The following EP400 variants were observed in gnomAD, a reference collection of about 807,000 sequenced individuals.
EP400 encodes E1A binding protein p400.
Under a neutral mutation model 354.1 loss-of-function variants are expected in EP400, and 105 were observed. That is an observed-to-expected ratio of 0.30 (90% CI 0.25 to 0.35). The LOEUF (loss-of-function observed/expected upper bound fraction) is 0.35, where lower values mean the gene tolerates loss of function less well. Ranked by LOEUF, EP400 falls within the 10% of genes least tolerant of loss-of-function variation. The pLI is 1.00. For synonymous variants in EP400, 1,646 were observed against 1,716.9 expected, an observed-to-expected ratio of 0.96 and a Z score of 1.02; for missense variants, 3,280 against 4,121.0, an observed-to-expected ratio of 0.80 and a Z score of 5.59.
rs750052509 is a variant in EP400, at chr12:131,961,947, A to T, written c.1328A>T (p.Asn443Ile). 1 of 1,611,102 alleles carries T rather than the reference A, an allele frequency of 6.2e-7. No homozygotes were observed. Among genetic ancestry groups the T allele is most frequent in the Non-Finnish European group, 8.5e-7 (1 of 1,178,804 alleles). Residue 443 changes from asparagine to isoleucine, a missense_variant, in exon 2 of 53, where the codon AAT (asparagine) becomes ATT (isoleucine). Asn to Ile is a moderately radical substitution (Grantham distance 149). Around this residue, in one of 20 missense-constraint regions of EP400, gnomAD observed 800 missense variants for 840.0 expected, o/e 0.95. Transcript: ENST00000389561. ...GAGGAAGAAAAATCTGAGGTTATCA[A>T]TGACGAGGTAAGAAACAGGAGTTAA... ...EEEEEKSEVI[N>I]DEQQALAGSL... is the part of the protein sequence containing the mutation.
In EP400 at chr12:132,043,503, T is replaced by G. The variant is rs78606890; in HGVS notation, c.6366+41T>G. On this transcript the variant is annotated intron_variant, in intron 33 of 52. Transcript: ENST00000389561. Reference sequence around the variant, plus strand: ...CCTTTACAACTACATATTTTAAAAATTTGACGCTTCTATAAAATATTTATT... The same window carrying G: ...CCTTTACAACTACATATTTTAAAAAGTTGACGCTTCTATAAAATATTTATT... The G allele has an allele frequency of 6.3e-4, 1,008 of 1,596,626 alleles. 17 individuals are homozygous for G. In the East Asian group the frequency reaches 0.017, roughly 26 times the overall value.
Position 132,044,931 on chromosome 12 carries a change from G to A in EP400, c.6762G>A (p.Lys2254=). The A allele has an allele frequency of 6.2e-7, 1 of 1,614,156 alleles. No individual in the cohort carries two copies. Among genetic ancestry groups the A allele is most frequent in the Non-Finnish European group, 8.5e-7 (1 of 1,180,030 alleles). Residue 2254 remains lysine, a synonymous_variant, in exon 37 of 53, where the codon AAG becomes AAA. Coordinates refer to ENST00000389561, the MANE Select transcript of EP400 (RefSeq NM_015409.5). ...LPPVYVRKER[K]RHKTDPSAAG... ...CTGTGTACGTGAGGAAGGAGCGGAA[G>A]CGACACAAAACAGACCCCTCAGGTG...
rs140489256 is a variant in EP400 at position 132,018,614 on chromosome 12, A to G, written c.4277+238A>G. Among the ~76,000 whole-genome samples the G allele has an allele frequency of 2.0e-4, 30 of 152,256 alleles. No homozygotes were observed. In the East Asian group the frequency reaches 5.8e-3, roughly 29 times the overall value. On this transcript the variant is annotated intron_variant, in intron 21 of 52. Coordinates refer to ENST00000389561, the MANE Select transcript of EP400 (RefSeq NM_015409.5). This position sits in a 1 kb window ranked among gnomAD's most constrained non-coding sequence, Gnocchi z 4.0. ...CAACCTCCTTGATCGTCTTTGCAGC[A>G]GTTTTAGGGTAGGGTGGGTGTCAGG... is the stretch of plus-strand genomic sequence containing the variant.
intron 30 of EP400, among the ~76,000 whole-genome samples, chr12:132,036,138 C>T (rs1593363921): frequency 6.8e-6 from 1 of 146,540 alleles, no homozygotes; most frequent in East Asian, 2.0e-4. Flanking sequence ...CATTGTGGAA[C>T]ACACCCAGGT....
At position 132,050,753 on chromosome 12, in the gene EP400, C is replaced by T. The variant is rs1895260761; in HGVS notation, c.7394+98C>T. On this transcript the variant is annotated intron_variant, in intron 41 of 52. Coordinates refer to ENST00000389561, the MANE Select transcript of EP400 (RefSeq NM_015409.5). The surrounding 1 kb of genome is among the most constrained non-coding windows in gnomAD (Gnocchi z 4.8). ...GTTCAGCAAATCGTTGTGCACTTAG[C>T]GTGTTCAGGCATCAGCTGGACGTGG... The T allele has an allele frequency of 4.9e-6, 7 of 1,441,654 alleles. No individual in the cohort carries two copies. Among genetic ancestry groups the T allele is most frequent in the East Asian group, 4.5e-5 (2 of 43,998 alleles). The allele number at this position is 1,441,654 out of a possible 1,614,324, so 89.3% of individuals were successfully genotyped here. A position where few individuals can be genotyped will look rare whatever the true frequency, so the allele number is the denominator to read the frequency against.
In EP400 at chr12:132,013,225, T is replaced by C. The variant is rs1390429234; in HGVS notation, c.3611+47T>C. On this transcript the variant is annotated intron_variant, in intron 17 of 52. Coordinates refer to ENST00000389561, the MANE Select transcript of EP400 (RefSeq NM_015409.5). The surrounding 1 kb of genome is among the most constrained non-coding windows in gnomAD (Gnocchi z 4.5). ...CATTGAGTGTTCTTTGCTGTTGATG[T>C]AGAAGATTCTCTTGAAGAAATCTGC... is the stretch of plus-strand genomic sequence containing the variant. The C allele has an allele frequency of 3.8e-6, 6 of 1,560,760 alleles. No individual in the cohort carries two copies. The highest frequency in any genetic ancestry group is 1.9e-5 in the Admixed American group (1 of 54,008).
intron 2 of EP400, among the ~76,000 whole-genome samples, chr12:131,979,211 CAAAA>C (rs1227389562): frequency 6.5e-5 from 5 of 76,410 alleles, no homozygotes; most frequent in Non-Finnish European, 8.1e-5. Context: ...GACTCCGTCT[CAAAA>C]AAAAAAAAAA....
rs1893825120 is a variant in EP400 at position 132,013,345 on chromosome 12, T to C, written c.3612-145T>C. The C allele has an allele frequency of 7.2e-7, 1 of 1,388,372 alleles. No homozygotes were observed. Among genetic ancestry groups the C allele is most frequent in the East Asian group, 2.3e-5 (1 of 42,772 alleles). The allele number at this position is 1,388,372 out of a possible 1,614,324, so 86.0% of individuals were successfully genotyped here. On this transcript the variant is annotated intron_variant, in intron 17 of 52. Transcript: ENST00000389561. The surrounding 1 kb of genome is among the most constrained non-coding windows in gnomAD (Gnocchi z 4.5). Reference sequence around the variant, plus strand: ...CCAGAGAGCCCCAGAGCTGGGTCAGTGCAGCCCCCCTTTTCAGGCATGTGC... The same window carrying C: ...CCAGAGAGCCCCAGAGCTGGGTCAGCGCAGCCCCCCTTTTCAGGCATGTGC...
intron 51 of EP400, among the ~76,000 whole-genome samples, chr12:132,071,427 C>T (rs1386570858): frequency 1.3e-5 from 2 of 152,198 alleles, no homozygotes; most frequent in Non-Finnish European, 2.9e-5. Context: ...CTACCAGAGG[C>T]TTCCGGCTCA....
At chr12:131,979,135 T>A (rs1892588538) in intron 2 of EP400, among the ~76,000 whole-genome samples, 1 of 150,508 alleles carries the variant, frequency 6.6e-6, no homozygotes, top group Non-Finnish European at 1.5e-5. Context: ...GAGAATGGCT[T>A]GAACCTGGGA....
At chr12:132,057,773 C>T (rs1361099989) in intron 45 of EP400, among the ~76,000 whole-genome samples, 2 of 152,210 alleles carry the variant, frequency 1.3e-5, no homozygotes, top group Non-Finnish European at 2.9e-5. Flanking sequence ...TTTGGAACAT[C>T]CCGTATGACC....
chr12:131,980,151 T>C (rs910861112), intron 3 of EP400, among the ~76,000 whole-genome samples: 2 of 152,216 alleles, frequency 1.3e-5, no homozygotes, highest in African/African-American at 4.8e-5. Flanking sequence ...TATAAAAGAC[T>C]TCAACAGTTC....
chr12:131,972,767 T>C (rs1259484228), intron 2 of EP400, among the ~76,000 whole-genome samples: 1 of 142,966 alleles, frequency 7.0e-6, no homozygotes, highest in African/African-American at 2.7e-5. Flanking sequence ...AGTCTCGCTC[T>C]GTTGTCCAGG....
intron 1 of EP400, among the ~76,000 whole-genome samples, chr12:131,956,877 T>C (rs890374777): frequency 2.7e-5 from 4 of 146,438 alleles, no homozygotes; most frequent in African/African-American, 7.5e-5. Context: ...TTTGTCCTTT[T>C]TTTTTTTTTT....
In EP400 at chr12:132,044,817, C is replaced by T. The variant is rs1369796201; in HGVS notation, c.6648C>T (p.Thr2216=). Reference sequence around the variant, plus strand: ...CCATGCAGCTCTGGACCCCACCCACCCCGCCGCAGGACGACAGCGACATCT... The same window carrying T: ...CCATGCAGCTCTGGACCCCACCCACTCCGCCGCAGGACGACAGCGACATCT... The part of the protein sequence containing the change: ...TEVMPLWTPP[T]PPQDDSDIYL... Residue 2216 remains threonine (T), a synonymous_variant, in exon 37 of 53, where the codon ACC becomes ACT. Coordinates refer to ENST00000389561, the MANE Select transcript of EP400 (RefSeq NM_015409.5). The T allele has an allele frequency of 2.6e-5, 42 of 1,614,042 alleles. No homozygotes were observed. Among genetic ancestry groups the T allele is most frequent in the Non-Finnish European group, 3.5e-5 (41 of 1,180,030 alleles).
At chr12:132,069,434 G>T in intron 50 of EP400, 61 bp from the exon 51 acceptor site, 2 of 1,582,776 alleles carry the variant, frequency 1.3e-6, no homozygotes, top group East Asian at 2.2e-5. Context: ...GCGGGCAGGC[G>T]TCCCGGGAGT....
In EP400 at chr12:132,066,948, G is replaced by A. The variant is rs199707864; in HGVS notation, c.8728G>A (p.Gly2910Ser). The A allele has an allele frequency of 1.1e-4, 184 of 1,602,224 alleles. No homozygotes were observed. The highest frequency in any genetic ancestry group is 1.4e-4 in the Non-Finnish European group (160 of 1,174,186). Residue 2910 changes from glycine to serine, a missense_variant, in exon 49 of 53, where the codon GGT (glycine) becomes AGT (serine). Around this residue, in one of 20 missense-constraint regions of EP400, gnomAD observed 279 missense variants for 386.7 expected, o/e 0.72. Coordinates refer to ENST00000389561, the MANE Select transcript of EP400 (RefSeq NM_015409.5). ...CGTCGCGGGGATCAGCGTGGCGATC[G>A]GTCAGCCACAGAAGGCAGCAGGTGC... ...MNVAGISVAI[G>S]QPQKAAGQTV...
chr12:132,002,229 A>C (rs563048432), intron 12 of EP400, among the ~76,000 whole-genome samples: 1 of 152,182 alleles, frequency 6.6e-6, no homozygotes, highest in Non-Finnish European at 1.5e-5. Flanking sequence ...TATTAAATTT[A>C]AGCCTGTTCT....
In EP400 at chr12:132,021,180, A is replaced by G; in HGVS notation, c.4549A>G (p.Lys1517Glu). 1 of 1,601,154 alleles carries G rather than the reference A, an allele frequency of 6.2e-7. No homozygotes were observed. Among genetic ancestry groups the G allele is most frequent in the Non-Finnish European group, 8.5e-7 (1 of 1,179,672 alleles). Residue 1517 changes from lysine (K) to glutamate (E), a missense_variant, in exon 23 of 53, where the codon AAA becomes GAA. Physicochemically the swap from Lys to Glu is moderately conservative, Grantham distance 56 (BLOSUM62 1). Coordinates refer to ENST00000389561, the MANE Select transcript of EP400 (RefSeq NM_015409.5). ...STAASPAHPA[K>E]LRAQTTAQAS... ...AGCCGCTAGCCCGGCCCATCCTGCG[A>G]AACTGCGGGCCCAGACCACAGCACA...
Sources: allele counts gnomAD v4.1 joint callset (sites outside exome capture counted in the v4.1 genomes callset), GRCh38; gene constraint gnomAD v4.1.1; regional missense constraint gnomAD v4.1.1; non-coding constraint Gnocchi (gnomAD v3.1); transcripts MANE v1.5; gene names NCBI Gene and HGNC (gene_info 2026-07-23, HGNC 2026-07-21).